The following ATAD2B variants were observed in gnomAD, a reference collection of about 807,000 sequenced individuals.
The protein encoded by ATAD2B is ATPase family AAA domain containing 2B, also known as ATPase family AAA domain-containing protein 2B.
In ATAD2B, 40 loss-of-function variants were observed where a neutral mutation model predicts 167.6. The observed-to-expected ratio is 0.24, with a 90% confidence interval of 0.19 to 0.31. The LOEUF is 0.31. Among genes scored for constraint, ATAD2B ranks in the 10% least tolerant of loss-of-function variants. ATAD2B has a pLI of 1.00. For missense variants in ATAD2B, 1,242 were observed against 1,757.2 expected (o/e 0.71, Z 5.24); for synonymous variants, 579 against 596.5 (o/e 0.97, Z 0.43).
chr2:23,857,688 G>A (rs1456434522), intron 12 of ATAD2B, among the ~76,000 whole-genome samples, 185 bp from the exon 13 acceptor site: 2 of 149,478 alleles, frequency 1.3e-5, no homozygotes, highest in Non-Finnish European at 3.0e-5. Context: ...AGCAACTACT[G>A]TTTTCAGTTT....
chr2:23,814,404 A>G (rs1205145337), intron 17 of ATAD2B, among the ~76,000 whole-genome samples: 3 of 152,180 alleles, frequency 2.0e-5, no homozygotes, highest in African/African-American at 7.2e-5. Context: ...ACCATAGTTC[A>G]ATGTGATTAA....
At chr2:23,758,765 T>C (rs1676261241) in intron 24 of ATAD2B, among the ~76,000 whole-genome samples, 1 of 152,164 alleles carries the variant, frequency 6.6e-6, no homozygotes, top group Admixed American at 6.5e-5. Context: ...TTTGAGAATA[T>C]GTAGGAAAAC....
the ATAD2B span, among the ~76,000 whole-genome samples, chr2:23,711,338 C>CTTTTT: frequency 2.2e-5 from 1 of 45,622 alleles, no homozygotes; most frequent in Non-Finnish European, 3.8e-5. Flanking sequence ...CACAGAATTT[C>CTTTTT]TTTCTTTTTT....
chr2:23,739,044 A>G, the ATAD2B span, among the ~76,000 whole-genome samples: 1 of 152,240 alleles, frequency 6.6e-6, no homozygotes, highest in Non-Finnish European at 1.5e-5. Context: ...ACCCAGATTC[A>G]TAAAGCAAGT....
At chr2:23,708,378 C>T in the ATAD2B span, 2 of 152,190 alleles carry the variant, frequency 1.3e-5, no homozygotes, top group East Asian at 3.8e-4. Flanking sequence ...TGGGGCAGGG[C>T]TAATGTTAGC....
intron 22 of ATAD2B, among the ~76,000 whole-genome samples, chr2:23,771,434 T>C (rs929390837): frequency 6.6e-6 from 1 of 152,234 alleles, no homozygotes; most frequent in Non-Finnish European, 1.5e-5. Flanking sequence ...TGTAGGCTTT[T>C]TGTAGACATC....
At chr2:23,729,879 T>C in the ATAD2B span, among the ~76,000 whole-genome samples, 2 of 152,062 alleles carry the variant, frequency 1.3e-5, no homozygotes, top group South Asian at 4.2e-4. Flanking sequence ...CAACTAACAA[T>C]AGAGCTTTAA....
At chr2:23,867,800 A>G in intron 10 of ATAD2B, 35 bp downstream of exon 10, 1 of 1,490,108 alleles carries the variant, frequency 6.7e-7, no homozygotes, top group Non-Finnish European at 9.2e-7. Context: ...TTTTAAAAAA[A>G]AGAAAACTTC....
chr2:23,874,964 G>A (rs907282039), intron 8 of ATAD2B, among the ~76,000 whole-genome samples: 1 of 150,722 alleles, frequency 6.6e-6, no homozygotes, highest in East Asian at 2.0e-4. Context: ...GCTGAGGCAG[G>A]AGAATGGCGT....
intron 1 of ATAD2B, among the ~76,000 whole-genome samples, chr2:23,913,502 T>TGG (rs1045176220): frequency 1.3e-5 from 2 of 151,926 alleles, no homozygotes; most frequent in African/African-American, 4.8e-5. Context: ...TAGCTGGGCG[T>TGG]GGGTGCACAT....
the ATAD2B span, among the ~76,000 whole-genome samples, chr2:23,741,688 C>A: frequency 5.8e-4 from 89 of 152,164 alleles, no homozygotes; most frequent in African/African-American, 1.5e-3. Flanking sequence ...GCAACAAAAG[C>A]CAAAATTGAC....
Position 23,910,573 on chromosome 2 carries a change from AAG to A in ATAD2B, c.217-14605_217-14604del, listed in dbSNP as rs1426399674. On this transcript the variant is annotated intron_variant, in intron 1 of 27. Transcript: ENST00000238789. The stretch of plus-strand genomic sequence containing the variant: ...GTTGAACTGCTACGAATTTTTTTAA[AAG>A]AGATGGTGTCAGCTGGGTGCAGTGG... Among the ~76,000 whole-genome samples, 4 of 151,582 alleles carry A rather than the reference AAG, an allele frequency of 2.6e-5. No individual in the cohort carries two copies. In the East Asian group the frequency reaches 7.9e-4, roughly 30 times the overall value.
At chr2:23,886,336 T>C (rs566902538) in intron 4 of ATAD2B, among the ~76,000 whole-genome samples, 158 of 152,224 alleles carry the variant, frequency 1.0e-3, no homozygotes, top group Non-Finnish European at 2.0e-3. Context: ...CCTTAATATA[T>C]ACATTAAAAT....
the ATAD2B span, among the ~76,000 whole-genome samples, chr2:23,733,949 T>C: frequency 6.6e-6 from 1 of 152,236 alleles, no homozygotes; most frequent in African/African-American, 2.4e-5. Context: ...CTAAACTTGT[T>C]TGCCTGTTTC....
Position 23,750,731 on chromosome 2 carries a change from T to G in ATAD2B, c.*1315A>C, listed in dbSNP as rs1056094746. 1.3e-5 allele frequency: 2 copies of G among 152,172 alleles called. No homozygotes were observed. Among genetic ancestry groups the G allele is most frequent in the African/African-American group, 4.8e-5 (2 of 41,458 alleles). The allele number at this position is 152,172 out of a possible 1,614,324, so 9.4% of individuals were successfully genotyped here. A position where few individuals can be genotyped will look rare whatever the true frequency, so the allele number is the denominator to read the frequency against. On this transcript the variant is annotated 3_prime_UTR_variant, in exon 28 of 28. Coordinates refer to ENST00000238789, the MANE Select transcript of ATAD2B (RefSeq NM_017552.4). ...AAAAAAAGTCACTGCATCCTTTGCC[T>G]CATTGCAACTGCCTAGACTGTGTCT...
At chr2:23,722,793 T>A in the ATAD2B span, among the ~76,000 whole-genome samples, 1 of 151,878 alleles carries the variant, frequency 6.6e-6, no homozygotes, top group Non-Finnish European at 1.5e-5. Flanking sequence ...ATTGACAAAA[T>A]TTAAAAAAGA....
At chr2:23,895,251 T>G (rs1700025419) in intron 2 of ATAD2B, among the ~76,000 whole-genome samples, 1 of 152,158 alleles carries the variant, frequency 6.6e-6, no homozygotes, top group Non-Finnish European at 1.5e-5. Flanking sequence ...TCTATGTGTG[T>G]GCCTAACCAT....
At chr2:23,690,499 C>G in the ATAD2B span, 3 of 152,242 alleles carry the variant, frequency 2.0e-5, no homozygotes, top group East Asian at 5.8e-4. Context: ...CAGGTGCGCG[C>G]AAGGGACCCG....
In ATAD2B at chr2:23,880,733, A is replaced by G; in HGVS notation, c.807T>C (p.Asp269=). 6.2e-7 allele frequency: 1 copy of G among 1,603,586 alleles called. No individual in the cohort carries two copies. The highest frequency in any genetic ancestry group is 1.1e-5 in the South Asian group (1 of 90,130). ...EEEESQEEDG[D]IEVEEAEGEE... is the part of the protein sequence containing the mutation. ...CTCCTTCTGCCTCTTCAACTTCTAT[A>G]TCTCCATCCTCCTCTTGAGATTCTA... is the stretch of plus-strand genomic sequence containing the variant. Residue 269 remains aspartate, a synonymous_variant, in exon 7 of 28, where the codon GAT becomes GAC. Transcript: ENST00000238789.
Sources: allele counts gnomAD v4.1 joint callset (sites outside exome capture counted in the v4.1 genomes callset), GRCh38; gene constraint gnomAD v4.1.1; transcripts MANE v1.5; gene names NCBI Gene and HGNC (gene_info 2026-07-23, HGNC 2026-07-21).